The following SMAP1 variants were observed in gnomAD, a reference collection of about 807,000 sequenced individuals.
SMAP1 encodes the protein small ArfGAP 1, also known as stromal membrane-associated protein 1.
A neutral mutation model predicts 58.5 loss-of-function variants in SMAP1; 24 were observed. The ratio of observed to expected loss-of-function variants is 0.41; its 90% CI spans 0.30 to 0.58. The LOEUF is 0.58. SMAP1 is among the 20% of genes least tolerant of loss of function. The probability of loss-of-function intolerance (pLI) is 0.29; values close to 1 mark genes in which losing one functional copy is unlikely to be tolerated. For synonymous variants in SMAP1, 216 were observed against 196.6 expected, an observed-to-expected ratio of 1.10 and a Z score of -0.82; for missense variants, 563 against 566.3, an observed-to-expected ratio of 0.99 and a Z score of 0.06.
At chr6:70,748,461 A>G (rs1465360493) in intron 2 of SMAP1, among the ~76,000 whole-genome samples, 2 of 152,164 alleles carry the variant, frequency 1.3e-5, no homozygotes, top group Admixed American at 6.5e-5. Flanking sequence ...GATACTGGAA[A>G]AATGCATGGT....
At chr6:70,809,363 T>C (rs1257166199) in intron 6 of SMAP1, among the ~76,000 whole-genome samples, 3 of 152,230 alleles carry the variant, frequency 2.0e-5, no homozygotes, top group Non-Finnish European at 2.9e-5. Context: ...CCTTTTATGT[T>C]AATACAATTT....
intron 1 of SMAP1, among the ~76,000 whole-genome samples, chr6:70,719,401 G>A (rs1374791382): frequency 1.3e-5 from 2 of 152,108 alleles, no homozygotes; most frequent in Non-Finnish European, 1.5e-5. Flanking sequence ...ATGAAATGAA[G>A]GAAATTATTA....
Position 70,777,899 on chromosome 6 carries a change from C to T in SMAP1, c.414+4474C>T, listed in dbSNP as rs538762466. ...TCCCGAGTAGCTGGCATTACAGGTG[C>T]GTGCCACCATGCCTGGCTAACTTTG... On this transcript the variant is annotated intron_variant, in intron 4 of 10. Transcript: ENST00000370455. 3.6e-4 allele frequency among the ~76,000 whole-genome samples: 55 copies of T among 151,926 alleles called. 1 individual carries two copies. The highest frequency in any genetic ancestry group is 9.7e-4 in the East Asian group (5 of 5,154).
In SMAP1 at chr6:70,693,242, C is replaced by T. The variant is rs1005160799; in HGVS notation, c.118+25101C>T. Among the ~76,000 whole-genome samples the T allele has an allele frequency of 4.7e-5, 7 of 148,090 alleles. No individual in the cohort carries two copies. The East Asian group carries it at 1.0e-3, about 21-fold the overall frequency. ...TTTTGTTCTTGTTGCCTGGACTATT[C>T]TGGGTCTTTTGTGGTTTCATGTAAA... is the stretch of plus-strand genomic sequence containing the variant. On this transcript the variant is annotated intron_variant, in intron 1 of 10. Coordinates refer to ENST00000370455, the MANE Select transcript of SMAP1 (RefSeq NM_001044305.3).
chr6:70,690,709 T>TA (rs1491584245), intron 1 of SMAP1, among the ~76,000 whole-genome samples: 5 of 104,862 alleles, frequency 4.8e-5, no homozygotes, highest in South Asian at 3.3e-4. Context: ...TATATATATA[T>TA]TTTTGAATTT....
At chr6:70,725,834 CTT>C (rs1170258203) in intron 1 of SMAP1, among the ~76,000 whole-genome samples, 2 of 152,290 alleles carry the variant, frequency 1.3e-5, no homozygotes, top group African/African-American at 2.4e-5. Flanking sequence ...ATAAAGCAAA[CTT>C]ATAATAATTT....
At chr6:70,732,970 A>G (rs17762970) in intron 2 of SMAP1, among the ~76,000 whole-genome samples, 3,578 of 152,334 alleles carry the variant, frequency 0.023, 51 homozygotes, top group Non-Finnish European at 0.037. Flanking sequence ...TCTTATGACC[A>G]ACCTAAACTT....
At chr6:70,674,301 C>T (rs1766390220) in intron 1 of SMAP1, among the ~76,000 whole-genome samples, 1 of 151,904 alleles carries the variant, frequency 6.6e-6, no homozygotes, top group Admixed American at 6.6e-5. Context: ...TTTGTAGAGA[C>T]CACGTTTCGT....
At chr6:70,781,975 T>C (rs1015966727) in intron 4 of SMAP1, among the ~76,000 whole-genome samples, 8 of 152,236 alleles carry the variant, frequency 5.3e-5, no homozygotes, top group African/African-American at 1.9e-4. Flanking sequence ...TAAACTCATT[T>C]TATTTCTGAA....
chr6:70,711,348 T>C (rs1284079843), intron 1 of SMAP1, among the ~76,000 whole-genome samples: 1 of 152,184 alleles, frequency 6.6e-6, no homozygotes, highest in African/African-American at 2.4e-5. Flanking sequence ...CTCATGGAAC[T>C]GTTACTGTAA....
At chr6:70,785,819 C>T (rs1767995810) in intron 4 of SMAP1, among the ~76,000 whole-genome samples, 1 of 152,132 alleles carries the variant, frequency 6.6e-6, no homozygotes, top group African/African-American at 2.4e-5. Context: ...AATAGTTTAC[C>T]AACCAAAAAG....
chr6:70,861,564 AAAAC>A lies in SMAP1; in HGVS notation c.*1237_*1240del, dbSNP rs1023887838. On this transcript the variant is annotated 3_prime_UTR_variant, in exon 11 of 11. Coordinates refer to ENST00000370455, the MANE Select transcript of SMAP1 (RefSeq NM_001044305.3). Reference sequence around the variant, plus strand: ...ACAAGAAAGGCTGCTGTACTGAAGTAAAACAAACAATACCTGAATGCTCTGTAGC... The same window carrying A: ...ACAAGAAAGGCTGCTGTACTGAAGTAAAACAATACCTGAATGCTCTGTAGC... 82 of 1,124,344 alleles carry A rather than the reference AAAAC, an allele frequency of 7.3e-5. No individual in the cohort carries two copies. The highest frequency in any genetic ancestry group is 9.2e-5 in the Non-Finnish European group (71 of 767,704). The allele number at this position is 1,124,344 out of a possible 1,614,324, so 69.6% of individuals were successfully genotyped here. A position where few individuals can be genotyped will look rare whatever the true frequency, so the allele number is the denominator to read the frequency against.
chr6:70,750,286 T>C (rs1766221380), intron 2 of SMAP1, among the ~76,000 whole-genome samples: 1 of 152,220 alleles, frequency 6.6e-6, no homozygotes, highest in Non-Finnish European at 1.5e-5. Context: ...CTATTACATT[T>C]GCTTGCTTAC....
chr6:70,815,040 A>G (rs969004279), intron 6 of SMAP1, among the ~76,000 whole-genome samples: 1 of 152,284 alleles, frequency 6.6e-6, no homozygotes, highest in South Asian at 2.1e-4. Context: ...TTTAATGACA[A>G]AGATAATCTT....
rs553405866 is a variant in SMAP1, at chr6:70,709,382, A to G, written c.119-22996A>G. On this transcript the variant is annotated intron_variant, in intron 1 of 10. Transcript: ENST00000370455. ...GAGACAGGCTCTCGCTCTGTTGCCC[A>G]TGCTAGAATACAGTAGCACGATCAT... 3.2e-4 allele frequency among the ~76,000 whole-genome samples: 49 copies of G among 152,126 alleles called. 1 individual carries two copies. The highest frequency in any genetic ancestry group is 2.7e-3 in the South Asian group (13 of 4,812).
intron 4 of SMAP1, among the ~76,000 whole-genome samples, chr6:70,788,076 T>G (rs1768148739): frequency 6.6e-6 from 1 of 151,618 alleles, no homozygotes; most frequent in South Asian, 2.1e-4. Flanking sequence ...ATAGACTGGA[T>G]TAAGAAAATG....
At chr6:70,707,608 A>G (rs1855438) in intron 1 of SMAP1, among the ~76,000 whole-genome samples, 14 of 152,044 alleles carry the variant, frequency 9.2e-5, no homozygotes, top group African/African-American at 3.1e-4. Context: ...TTATTTATTT[A>G]TTTATATTTA....
chr6:70,857,111 T>C (rs1192174961), intron 9 of SMAP1, 81 bp downstream of exon 9: 1 of 1,331,358 alleles, frequency 7.5e-7, no homozygotes, highest in Admixed American at 2.4e-5. Flanking sequence ...CAATTATATA[T>C]CTTTTATTGT....
At chr6:70,821,885 G>A (rs1769906544) in intron 6 of SMAP1, among the ~76,000 whole-genome samples, 1 of 152,122 alleles carries the variant, frequency 6.6e-6, no homozygotes, top group African/African-American at 2.4e-5. Context: ...TTCTATTACA[G>A]GCTTGTAGTA....
Sources: gnomAD v4.1 joint callset for allele counts (sites outside exome capture counted in the v4.1 genomes callset) on GRCh38, gnomAD v4.1.1 for gene constraint, MANE v1.5 for transcripts, NCBI Gene and HGNC (gene_info 2026-07-23, HGNC 2026-07-21) for gene names.